Variants in DDAH1 observed in about 807,000 individuals in gnomAD.
DDAH1 encodes N(G),N(G)-dimethylarginine dimethylaminohydrolase 1.
In DDAH1, 19 loss-of-function variants were observed where a neutral mutation model predicts 28.8. The ratio of observed to expected loss-of-function variants is 0.66; its 90% CI spans 0.46 to 0.97. DDAH1 has a LOEUF of 0.97. Among genes scored for constraint, DDAH1 ranks in the 50% least tolerant of loss-of-function variants. DDAH1 has a pLI of 0.00. For synonymous variants in DDAH1, 153 were observed against 154.4 expected (o/e 0.99, Z 0.07); for missense variants, 326 against 375.9 (o/e 0.87, Z 1.10).
At chr1:85,392,711 T>C (rs549630749) in intron 1 of DDAH1, among the ~76,000 whole-genome samples, 14 of 150,158 alleles carry the variant, frequency 9.3e-5, no homozygotes, top group Middle Eastern at 3.4e-3. Context: ...GAGAACGGCT[T>C]GAACCAGGGA....
intron 1 of DDAH1, among the ~76,000 whole-genome samples, chr1:85,460,642 A>G (rs1163543823): frequency 6.6e-6 from 1 of 152,194 alleles, no homozygotes; most frequent in East Asian, 1.9e-4. Context: ...AAAACAGGAT[A>G]TATTTTGCAA....
intron 1 of DDAH1, among the ~76,000 whole-genome samples, chr1:85,387,707 T>C (rs573797771): frequency 7.9e-5 from 12 of 152,252 alleles, no homozygotes; most frequent in Middle Eastern, 6.8e-3. Flanking sequence ...TGCTTCCCCA[T>C]TTTCAGGTAT....
In DDAH1 at chr1:85,530,008, G is replaced by T. The variant is rs529207872; in HGVS notation, c.-122-33727C>A. ...GAAGGACCCTGGGCATCTTGGAGGG[G>T]TTGGAAACTGCTGACCCACGCATTT... is the stretch of plus-strand genomic sequence containing the variant. On this transcript the variant is annotated intron_variant, in intron 1 of 6. Transcript: ENST00000426972. Among the ~76,000 whole-genome samples the T allele has an allele frequency of 2.1e-5, 3 of 143,058 alleles. No homozygotes were observed. The East Asian group carries it at 6.3e-4, about 30-fold the overall frequency. The allele number at this position is 143,058 out of a possible 152,430, so 93.9% of individuals were successfully genotyped here.
chr1:85,554,421 T>A (rs1002061904), intron 1 of DDAH1, among the ~76,000 whole-genome samples: 2 of 152,122 alleles, frequency 1.3e-5, no homozygotes, highest in African/African-American at 4.8e-5. Flanking sequence ...ACTGAGAATG[T>A]GCTTTAAGCT....
At chr1:85,368,595 A>C (rs897407917) in intron 1 of DDAH1, among the ~76,000 whole-genome samples, 1 of 152,194 alleles carries the variant, frequency 6.6e-6, no homozygotes, top group African/African-American at 2.4e-5. Context: ...GATACAATAC[A>C]TGTATTGAGT....
intron 1 of DDAH1, among the ~76,000 whole-genome samples, chr1:85,387,742 A>G (rs1651351261): frequency 6.6e-6 from 1 of 152,084 alleles, no homozygotes; most frequent in African/African-American, 2.4e-5. Context: ...TCCACTCCTC[A>G]GTACCAATTT....
intron 1 of DDAH1, among the ~76,000 whole-genome samples, chr1:85,570,980 T>C (rs1659438554): frequency 6.6e-6 from 1 of 151,102 alleles, no homozygotes; most frequent in Non-Finnish European, 1.5e-5. Context: ...GAACTTGGAG[T>C]CAGACAGGCC....
At chr1:85,478,411 A>T (rs955342297) in intron 2 of DDAH1, among the ~76,000 whole-genome samples, 1 of 152,252 alleles carries the variant, frequency 6.6e-6, no homozygotes, top group Non-Finnish European at 1.5e-5. Context: ...ATAGACTCAC[A>T]GTTCCACATG....
chr1:85,369,685 G>C (rs1234212059), intron 1 of DDAH1, among the ~76,000 whole-genome samples: 1 of 152,214 alleles, frequency 6.6e-6, no homozygotes, highest in Non-Finnish European at 1.5e-5. Flanking sequence ...TCAGCGAAGA[G>C]AGAAGAGCCC....
In DDAH1 at chr1:85,507,795, C is replaced by T. The variant is rs192577098; in HGVS notation, c.-122-11514G>A. 4.9e-3 allele frequency among the ~76,000 whole-genome samples: 749 copies of T among 152,184 alleles called. 4 individuals carry two copies. Among genetic ancestry groups the T allele is most frequent in the African/African-American group, 0.017 (705 of 41,514 alleles). On this transcript the variant is annotated intron_variant, in intron 1 of 6. Transcript: ENST00000426972. The stretch of plus-strand genomic sequence containing the variant: ...GGGACAGCTCCCCCAGTCCTTCTCC[C>T]CACATAAAAATGACTTTTGGAGGAA...
At chr1:85,375,084 G>GAA (rs397741084) in intron 1 of DDAH1, among the ~76,000 whole-genome samples, 4 of 151,694 alleles carry the variant, frequency 2.6e-5, no homozygotes, top group East Asian at 3.9e-4. Context: ...ACAATTCACA[G>GAA]TGTTTCTTCT....
intron 1 of DDAH1, among the ~76,000 whole-genome samples, chr1:85,508,884 C>T (rs1051107453): frequency 6.6e-6 from 1 of 152,348 alleles, no homozygotes; most frequent in Non-Finnish European, 1.5e-5. Flanking sequence ...CCACCTCTGC[C>T]GGCACGGCAT....
intron 4 of DDAH1, among the ~76,000 whole-genome samples, chr1:85,344,817 G>A (rs1189147887): frequency 6.6e-6 from 1 of 152,096 alleles, no homozygotes; most frequent in African/African-American, 2.4e-5. Context: ...AGAACAAGGT[G>A]AGATGTGGTA....
chr1:85,424,682 G>C (rs745968979), intron 1 of DDAH1, among the ~76,000 whole-genome samples: 7 of 151,888 alleles, frequency 4.6e-5, no homozygotes, highest in Non-Finnish European at 7.4e-5. Flanking sequence ...ATTTTCCTGA[G>C]TTCCCTAAGG....
Position 85,375,642 on chromosome 1 carries a change from C to T in DDAH1, c.304-16795G>A, listed in dbSNP as rs980878744. Among the ~76,000 whole-genome samples, 6 of 152,092 alleles carry T rather than the reference C, an allele frequency of 3.9e-5. 1 individual carries two copies. The highest frequency in any genetic ancestry group is 2.0e-4 in the Admixed American group (3 of 15,248). On this transcript the variant is annotated intron_variant, in intron 1 of 5. Coordinates refer to ENST00000284031, the MANE Select transcript of DDAH1 (RefSeq NM_012137.4). ...ACAGTTGCATTCCTTTCCTTTATACCAACTTGCCCAGTTTCATTCTATGCA... is the reference window on the plus strand; with the variant it reads ...ACAGTTGCATTCCTTTCCTTTATACTAACTTGCCCAGTTTCATTCTATGCA...
chr1:85,571,993 G>A (rs1230789029), intron 1 of DDAH1, among the ~76,000 whole-genome samples: 2 of 151,942 alleles, frequency 1.3e-5, no homozygotes, highest in East Asian at 3.9e-4. Context: ...GGGCCTGGAG[G>A]GCTCCGTGCT....
chr1:85,448,839 G>T, intron 1 of DDAH1, among the ~76,000 whole-genome samples: 1 of 152,136 alleles, frequency 6.6e-6, no homozygotes, highest in East Asian at 1.9e-4. Context: ...TGCCAGCAAA[G>T]AATTTTACAA....
intron 2 of DDAH1, among the ~76,000 whole-genome samples, chr1:85,491,889 C>CT (rs1656418941): frequency 6.6e-6 from 1 of 152,116 alleles, no homozygotes; most frequent in Admixed American, 6.6e-5. Flanking sequence ...GACCTAACCC[C>CT]CTATACTGGC....
intron 1 of DDAH1, among the ~76,000 whole-genome samples, chr1:85,460,190 T>G (rs1655063461): frequency 6.6e-6 from 1 of 152,210 alleles, no homozygotes. Flanking sequence ...ATCTTGATGT[T>G]CACTTGCCTC....
Sources: gnomAD v4.1 joint callset for allele counts (sites outside exome capture counted in the v4.1 genomes callset) on GRCh38, gnomAD v4.1.1 for gene constraint, MANE v1.5 for transcripts, NCBI Gene and HGNC (gene_info 2026-07-23, HGNC 2026-07-21) for gene names.